The following TSBP1 variants were observed in gnomAD, a reference collection of about 807,000 sequenced individuals.
The protein encoded by TSBP1 is testis expressed basic protein 1, also known as testis-expressed basic protein 1.
Under a neutral mutation model 68.8 loss-of-function variants are expected in TSBP1, and 56 were observed. That is an observed-to-expected ratio of 0.81 (90% confidence interval 0.66 to 1.02). TSBP1 has a LOEUF of 1.02. Ranked by LOEUF, TSBP1 falls within the 50% of genes least tolerant of loss-of-function variation. The probability of loss-of-function intolerance (pLI) is 0.00; values close to 1 mark genes in which losing one functional copy is unlikely to be tolerated. For missense variants in TSBP1, 502 were observed against 641.2 expected, an observed-to-expected ratio of 0.78 and a Z score of 2.34; for synonymous variants, 171 against 208.7, an observed-to-expected ratio of 0.82 and a Z score of 1.56.
chr6:32,338,345 T>C lies in TSBP1; in HGVS notation c.409+634A>G, dbSNP rs1434375128. 6.6e-6 allele frequency among the ~76,000 whole-genome samples: 1 copy of C among 152,138 alleles called. No individual in the cohort carries two copies. Among genetic ancestry groups the C allele is most frequent in the East Asian group, 1.9e-4 (1 of 5,196 alleles). The stretch of plus-strand genomic sequence containing the variant: ...CAGGCCCTTGGACCCACTTTAAGCA[T>C]CAAGGCCATAAAGGGCTGGCAAAAT... On this transcript the variant is annotated intron_variant, in intron 11 of 22. Coordinates refer to ENST00000612031, the Ensembl canonical transcript of TSBP1. The surrounding 1 kb of genome is among the most constrained non-coding windows in gnomAD (Gnocchi z 5.5).
At chr6:32,351,829 C>T (rs1771748555) in intron 8 of TSBP1, among the ~76,000 whole-genome samples, 1 of 151,984 alleles carries the variant, frequency 6.6e-6, no homozygotes. Flanking sequence ...AAGTTAATCT[C>T]ACACCTATAA....
chr6:32,344,531 A>G (rs1270487312), intron 9 of TSBP1, among the ~76,000 whole-genome samples: 3 of 152,092 alleles, frequency 2.0e-5, no homozygotes, highest in South Asian at 2.1e-4. Flanking sequence ...AACTTGCTCA[A>G]TTCCCTTGTA....
At chr6:32,341,977 A>T (rs2127614838) in intron 9 of TSBP1, among the ~76,000 whole-genome samples, 1 of 151,374 alleles carries the variant, frequency 6.6e-6, no homozygotes, top group South Asian at 2.1e-4. Flanking sequence ...TCTGTTTTGG[A>T]TTTTTTGCCG....
chr6:32,323,105 T>A lies in TSBP1; in HGVS notation c.559+12A>T, dbSNP rs1184223338. On this transcript the variant is annotated intron_variant, in intron 18 of 22. Coordinates refer to ENST00000612031, the Ensembl canonical transcript of TSBP1. ...TAGAGAACCAAAGAAGAAAAAGAGA[T>A]GTTATACTTACTTATGGGTGCCATG... The A allele has an allele frequency of 2.5e-6, 4 of 1,568,646 alleles. No homozygotes were observed. Among genetic ancestry groups the A allele is most frequent in the Non-Finnish European group, 3.5e-6 (4 of 1,143,856 alleles).
At chr6:32,326,186 A>T in intron 16 of TSBP1, 1 of 1,410,018 alleles carries the variant, frequency 7.1e-7, no homozygotes, top group Non-Finnish European at 9.9e-7. Context: ...TAATTAGGAA[A>T]CAAAGCTTAG....
rs774863444 is a variant in TSBP1 at position 32,314,705 on chromosome 6, A to C, written c.580+1067T>G. ...TTGAAATTAATAAAATGTTGTTATT[A>C]TGAAAACTATATCCAGAGTGTGTTT... On this transcript the variant is annotated intron_variant, in intron 19 of 22. Coordinates refer to ENST00000612031, the Ensembl canonical transcript of TSBP1. This position sits in a 1 kb window ranked among gnomAD's most constrained non-coding sequence, Gnocchi z 4.2. Among the ~76,000 whole-genome samples the C allele has an allele frequency of 6.6e-6, 1 of 152,256 alleles. No homozygotes were observed.
chr6:32,307,540 C>A (rs937362954), intron 19 of TSBP1, among the ~76,000 whole-genome samples: 1 of 152,010 alleles, frequency 6.6e-6, no homozygotes, highest in Non-Finnish European at 1.5e-5. Context: ...GTGTACATTA[C>A]TAGATAAAGC....
chr6:32,319,239 C>A (rs149400201), intron 18 of TSBP1, among the ~76,000 whole-genome samples: 3,097 of 152,204 alleles, frequency 0.02, 51 homozygotes, highest in Middle Eastern at 0.048. Flanking sequence ...CACATTCAGT[C>A]GAACAGCAGG....
chr6:32,316,550 C>T lies in TSBP1; in HGVS notation c.560-758G>A, dbSNP rs989408328. On this transcript the variant is annotated intron_variant, in intron 18 of 22. Coordinates refer to ENST00000612031, the Ensembl canonical transcript of TSBP1. This position sits in a 1 kb window ranked among gnomAD's most constrained non-coding sequence, Gnocchi z 4.5. ...ATGGCTAATTCTCTGTTAAAAGCTC[C>T]AATTCTTTATGACTGCATTCTTGGG... The T allele has an allele frequency of 4.3e-6, 3 of 700,762 alleles. No homozygotes were observed. Among genetic ancestry groups the T allele is most frequent in the Non-Finnish European group, 7.4e-6 (3 of 406,484 alleles). 43.4% of individuals were successfully genotyped at this position (700,762 alleles called of 1,614,324 possible).
intron 9 of TSBP1, 91 bp downstream of exon 9, chr6:32,349,649 C>A: frequency 1.3e-6 from 1 of 744,420 alleles, no homozygotes. Context: ...TGCTGTGCTG[C>A]AGCGAAGAAG....
chr6:32,370,007 A>G (rs924445815), intron 1 of TSBP1, 24 bp from the exon 2 acceptor site: 1 of 1,471,502 alleles, frequency 6.8e-7, no homozygotes, highest in Admixed American at 1.7e-5. Flanking sequence ...CTCACCTGTA[A>G]ACATGCTTAT....
Position 32,361,394 on chromosome 6 carries a change from CAAT to C in TSBP1, c.217+4770_217+4772del, listed in dbSNP as rs1469554968. Among the ~76,000 whole-genome samples the C allele has an allele frequency of 2.6e-5, 4 of 152,076 alleles. No individual in the cohort carries two copies. The highest frequency in any genetic ancestry group is 5.9e-5 in the Non-Finnish European group (4 of 68,016). On this transcript the variant is annotated intron_variant, in intron 6 of 22. Coordinates refer to ENST00000612031, the Ensembl canonical transcript of TSBP1. The surrounding 1 kb of genome is among the most constrained non-coding windows in gnomAD (Gnocchi z 4.3). ...ATTTATAATCCTTTGGGTATATACC[CAAT>C]AATGAGATGGCTGGGTCAAATGGTA...
intron 15 of TSBP1, 48 bp from the exon 17 acceptor site, chr6:32,330,657 C>CAT (rs1393282947): frequency 2.0e-6 from 3 of 1,493,908 alleles, no homozygotes; most frequent in Non-Finnish European, 2.7e-6. Context: ...CACACACACA[C>CAT]ACACACACAC....
At position 32,335,460 on chromosome 6, in the gene TSBP1, A is replaced by T; in HGVS notation, c.452-3T>A. 1 of 1,157,544 alleles carries T rather than the reference A, an allele frequency of 8.6e-7. No individual in the cohort carries two copies. Among genetic ancestry groups the T allele is most frequent in the Non-Finnish European group, 1.1e-6 (1 of 880,158 alleles). 71.7% of individuals were successfully genotyped at this position (1,157,544 alleles called of 1,614,324 possible). A position where few individuals can be genotyped will look rare whatever the true frequency, so the allele number is the denominator to read the frequency against. On this transcript the variant is annotated splice_region_variant and splice_polypyrimidine_tract_variant and intron_variant, in intron 13 of 22. Transcript: ENST00000612031. This position sits in a 1 kb window ranked among gnomAD's most constrained non-coding sequence, Gnocchi z 5.5. ...ACCAATGGTTTTTTGAGAGAGCTCT[A>T]AAAAAAAAAGAGAAAAGAAATCAGT...
intron 22 of TSBP1, 141 bp downstream of exon 25, chr6:32,299,781 C>G: frequency 1.4e-6 from 1 of 701,864 alleles, no homozygotes. Context: ...CGGGGGGGAA[C>G]CTTGGAAGTT....
chr6:32,346,314 C>CAAAATGT lies in TSBP1; in HGVS notation c.349+3425_349+3426insACATTTT, dbSNP rs1770990783. ...ACAGGCGTGAGCCACCGCGCCCGGC[C>CAAAATGT]GTCATATCCTCATTTAATTTACTCA... On this transcript the variant is annotated intron_variant, in intron 9 of 22. Coordinates refer to ENST00000612031, the Ensembl canonical transcript of TSBP1. 2.1e-4 allele frequency among the ~76,000 whole-genome samples: 2 copies of CAAAATGT among 9,486 alleles called. 1 individual carries two copies. 6.2% of individuals were successfully genotyped at this position (9,486 alleles called of 152,430 possible).
At chr6:32,312,542 G>A (rs942585697) in intron 19 of TSBP1, among the ~76,000 whole-genome samples, 2 of 152,208 alleles carry the variant, frequency 1.3e-5, no homozygotes, top group African/African-American at 4.8e-5. Flanking sequence ...GAACATGCTT[G>A]AAGCTTGCTA....
intron 16 of TSBP1, among the ~76,000 whole-genome samples, chr6:32,326,772 A>T (rs9268246): frequency 0.13 from 20,033 of 152,234 alleles, 1,514 homozygotes; most frequent in Non-Finnish European, 0.17. Flanking sequence ...AATGGAAGAA[A>T]CATCCTTCTT....
At chr6:32,308,605 A>AAC (rs1766027797) in intron 19 of TSBP1, among the ~76,000 whole-genome samples, 2 of 141,826 alleles carry the variant, frequency 1.4e-5, no homozygotes, top group Admixed American at 1.4e-4. Context: ...CTCAAAAAAA[A>AAC]AAAAAAAAAA....
Sources: gnomAD v4.1 joint callset for allele counts (sites outside exome capture counted in the v4.1 genomes callset) on GRCh38, gnomAD v4.1.1 for gene constraint, Gnocchi (gnomAD v3.1) non-coding constraint, MANE v1.5 for transcripts, NCBI Gene and HGNC (gene_info 2026-07-23, HGNC 2026-07-21) for gene names.